The following CAPN15 variants were observed in gnomAD, a reference collection of about 807,000 sequenced individuals.
The protein encoded by CAPN15 is calpain-15.
In CAPN15, 53 loss-of-function variants were observed where a neutral mutation model predicts 97.9. That is an observed-to-expected ratio of 0.54 (90% confidence interval 0.43 to 0.68). The LOEUF is 0.68. Among genes scored for constraint, CAPN15 ranks in the 30% least tolerant of loss-of-function variants. The pLI, the probability that CAPN15 is intolerant of heterozygous loss-of-function variation, is 0.00. For synonymous variants in CAPN15, 922 were observed against 722.5 expected, an observed-to-expected ratio of 1.28 and a Z score of -4.43; for missense variants, 1,592 against 1,589.8, an observed-to-expected ratio of 1.00 and a Z score of -0.02.
chr16:547,632 C>T lies in CAPN15; in HGVS notation c.794C>T (p.Pro265Leu), dbSNP rs766960655. 103 of 1,569,022 alleles carry T rather than the reference C, an allele frequency of 6.6e-5. No homozygotes were observed. Among genetic ancestry groups the T allele is most frequent in the Admixed American group, 1.0e-4 (6 of 57,760 alleles). Reference protein sequence around the residue: ...LQPPVPEAAQPSPSAGCRGAP... With the variant: ...LQPPVPEAAQLSPSAGCRGAP... ...CCACCGGTGCCTGAGGCTGCCCAGCCGTCACCCTCTGCCGGCTGCAGGGGA... is the reference window on the plus strand; with the variant it reads ...CCACCGGTGCCTGAGGCTGCCCAGCTGTCACCCTCTGCCGGCTGCAGGGGA... The change falls in exon 4 of 14, where the codon CCG becomes CTG. Residue 265 changes from proline to leucine, a missense_variant. Coordinates refer to ENST00000219611, the MANE Select transcript of CAPN15 (RefSeq NM_005632.3).
chr16:550,428 G>A (rs572057470), intron 7 of CAPN15, among the ~76,000 whole-genome samples: 2 of 152,350 alleles, frequency 1.3e-5, no homozygotes, highest in South Asian at 2.1e-4. Context: ...GGTGGAGGGG[G>A]CTGGTCCAGA....
chr16:537,078 C>T, intron 3 of CAPN15: 1 of 942,670 alleles, frequency 1.1e-6, no homozygotes, highest in African/African-American at 1.8e-5. Flanking sequence ...CCGGAGAGGG[C>T]TTAACAGAGC....
chr16:552,446 A>G lies in CAPN15; in HGVS notation c.2653A>G (p.Met885Val). 1 of 1,610,226 alleles carries G rather than the reference A, an allele frequency of 6.2e-7. No homozygotes were observed. Among genetic ancestry groups the G allele is most frequent in the Non-Finnish European group, 8.5e-7 (1 of 1,179,654 alleles). ...AVKKFVSCDV[M>V]LEPGEYAVVC... ...CAAGAAGTTCGTCAGCTGCGACGTC[A>G]TGCTGGAGCCTGGCGAGTACGCTGT... is the stretch of plus-strand genomic sequence containing the variant. The change falls in exon 11 of 14, where the codon ATG becomes GTG. Residue 885 changes from methionine (M) to valine (V), a missense_variant. Met to Val is a conservative substitution (Grantham distance 21). This residue lies in a region of CAPN15 where 644 missense variants were observed against 699.6 expected (regional missense o/e 0.92). Transcript: ENST00000219611. This position sits in a 1 kb window ranked among gnomAD's most constrained non-coding sequence, Gnocchi z 6.4.
At chr16:534,227 C>CCAACGGGGCCGTGGTCCTGTCGTGGGAGG (rs1567134503) in intron 2 of CAPN15, among the ~76,000 whole-genome samples, 27 of 152,340 alleles carry the variant, frequency 1.8e-4, no homozygotes, top group African/African-American at 5.8e-4. Flanking sequence ...GCCCGGGGTC[C>CCAACGGGGCCGTGGTCCTGTCGTGGGAGG]CGACAGGGGT....
rs2035191281 is a variant in CAPN15, at chr16:552,799, CGTG to C, written c.2904+30_2904+32del. The C allele has an allele frequency of 6.6e-7, 1 of 1,511,160 alleles. No individual in the cohort carries two copies. The highest frequency in any genetic ancestry group is 8.9e-7 in the Non-Finnish European group (1 of 1,124,794). 93.6% of individuals were successfully genotyped at this position (1,511,160 alleles called of 1,614,324 possible). ...GGGTGGGGGTCCCGGGGGAGGGTGG[CGTG>C]GGGCAGGGGGAGTATGCCCCAGCAC... is the stretch of plus-strand genomic sequence containing the variant. On this transcript the variant is annotated intron_variant, in intron 12 of 13. Transcript: ENST00000219611. The surrounding 1 kb of genome is among the most constrained non-coding windows in gnomAD (Gnocchi z 6.4).
chr16:532,424 G>C (rs769567854), intron 1 of CAPN15, among the ~76,000 whole-genome samples: 3 of 151,224 alleles, frequency 2.0e-5, no homozygotes, highest in Non-Finnish European at 4.4e-5. Flanking sequence ...GCGTGGTGGT[G>C]TGTGCCTGTA....
At chr16:530,299 G>A (rs904342752) in intron 1 of CAPN15, among the ~76,000 whole-genome samples, 2 of 152,336 alleles carry the variant, frequency 1.3e-5, no homozygotes, top group Middle Eastern at 3.4e-3. Context: ...TTCTTGGTAG[G>A]CCTAGTGTCT....
Position 551,670 on chromosome 16 carries a change from G to T in CAPN15, c.2345+6G>T. On this transcript the variant is annotated splice_donor_region_variant and intron_variant, in intron 9 of 13. Transcript: ENST00000219611. The stretch of plus-strand genomic sequence containing the variant: ...GAGTACGGCGACTTTGTCAGGTATC[G>T]GCACCGTGGGGCGGTGTGCACGCCG... 6.3e-7 allele frequency: 1 copy of T among 1,586,988 alleles called. No homozygotes were observed. Among genetic ancestry groups the T allele is most frequent in the South Asian group, 1.1e-5 (1 of 90,788 alleles).
Position 536,129 on chromosome 16 carries a change from C to T in CAPN15, c.-36C>T, listed in dbSNP as rs1020943004. 1 of 978,038 alleles carries T rather than the reference C, an allele frequency of 1.0e-6. No homozygotes were observed. The highest frequency in any genetic ancestry group is 1.2e-6 in the Non-Finnish European group (1 of 823,478). The allele number at this position is 978,038 out of a possible 1,614,324, so 60.6% of individuals were successfully genotyped here. A position where few individuals can be genotyped will look rare whatever the true frequency, so the allele number is the denominator to read the frequency against. ...TGCCCAGGCCCTGAGGTGGGCCGGA[C>T]CTGGGAGTGGCAGGTGAGCGTTCCT... On this transcript the variant is annotated 5_prime_UTR_variant, in exon 3 of 14. Coordinates refer to ENST00000219611, the MANE Select transcript of CAPN15 (RefSeq NM_005632.3).
rs1340202502 is a variant in CAPN15, at chr16:549,801, C to T, written c.2029C>T (p.Leu677Phe). Residue 677 changes from leucine (L) to phenylalanine (F), a missense_variant, in exon 7 of 14, where the codon CTC becomes TTC. By Grantham distance (22) the Leu-to-Phe change is conservative. Coordinates refer to ENST00000219611, the MANE Select transcript of CAPN15 (RefSeq NM_005632.3). ...NPREEPVDTD[L>F]IWAKMLSSKE... is the part of the protein sequence containing the mutation. Reference sequence around the variant, plus strand: ...CCGCGAGGAGCCCGTTGACACTGACCTCATCTGGGCCAAAATGCTGAGTTC... The same window carrying T: ...CCGCGAGGAGCCCGTTGACACTGACTTCATCTGGGCCAAAATGCTGAGTTC... The T allele has an allele frequency of 6.3e-7, 1 of 1,589,472 alleles. No homozygotes were observed. The highest frequency in any genetic ancestry group is 8.6e-7 in the Non-Finnish European group (1 of 1,167,808).
rs1175868994 is a variant in CAPN15 at position 527,874 on chromosome 16, G to C, written c.-345G>C. On this transcript the variant is annotated 5_prime_UTR_variant, in exon 1 of 14. Transcript: ENST00000219611. ...TCGGGGCGCCCCGCGGCTGAGGAGC[G>C]GGAGGCCGTCCGGGCAGCGCGGCCG... 1.4e-5 allele frequency: 2 copies of C among 146,734 alleles called. No homozygotes were observed. Among genetic ancestry groups the C allele is most frequent in the Admixed American group, 6.8e-5 (1 of 14,796 alleles). The allele number at this position is 146,734 out of a possible 1,614,324, so 9.1% of individuals were successfully genotyped here.
At chr16:549,500 C>A (rs750073259) in intron 6 of CAPN15, 29 bp downstream of exon 6, 1 of 1,443,716 alleles carries the variant, frequency 6.9e-7, no homozygotes, top group Admixed American at 2.0e-5. Flanking sequence ...TGGGCACGGG[C>A]GGCAGGGGCA....
intron 3 of CAPN15, among the ~76,000 whole-genome samples, chr16:540,977 C>T (rs919270500): frequency 1.3e-5 from 2 of 152,212 alleles, no homozygotes; most frequent in Non-Finnish European, 2.9e-5. Flanking sequence ...GGCAGGGACA[C>T]TCAGGGGCCC....
rs2034628923 is a variant in CAPN15 at position 546,958 on chromosome 16, G to C, written c.120G>C (p.Arg40=). ...RHKPDLNHIL[R]LSVEEQKWPC... ...AGCCCGACCTCAACCACATCCTGCG[G>C]CTCAGCGTGGAGGAGCAGAAATGGC... The change falls in exon 4 of 14, where the codon CGG becomes CGC. Residue 40 remains arginine, a synonymous_variant. Coordinates refer to ENST00000219611, the MANE Select transcript of CAPN15 (RefSeq NM_005632.3). The C allele has an allele frequency of 6.2e-7, 1 of 1,610,420 alleles. No individual in the cohort carries two copies. The highest frequency in any genetic ancestry group is 8.5e-7 in the Non-Finnish European group (1 of 1,179,892).
rs1003718627 is a variant in CAPN15 at position 553,677 on chromosome 16, C to G, written c.*161C>G. ...AGCTTCCCATGGGCCCCCCGCCCCC[C>G]TCCTTCCCCTCCCTGAACCCCACAG... On this transcript the variant is annotated 3_prime_UTR_variant, in exon 14 of 14. Transcript: ENST00000219611. The G allele has an allele frequency of 9.3e-6, 5 of 536,952 alleles. No homozygotes were observed. Among genetic ancestry groups the G allele is most frequent in the Non-Finnish European group, 1.6e-5 (5 of 309,434 alleles). 33.3% of individuals were successfully genotyped at this position (536,952 alleles called of 1,614,324 possible). A position where few individuals can be genotyped will look rare whatever the true frequency, so the allele number is the denominator to read the frequency against.
chr16:550,572 C>T (rs2034917701), intron 7 of CAPN15, among the ~76,000 whole-genome samples: 1 of 151,874 alleles, frequency 6.6e-6, no homozygotes, highest in Admixed American at 6.5e-5. Context: ...GGGCCCCGCT[C>T]AGCCATGCCC....
chr16:549,497 G>C (rs557292886), intron 6 of CAPN15, 26 bp downstream of exon 6: 1 of 1,559,896 alleles, frequency 6.4e-7, no homozygotes. Flanking sequence ...GGGTGGGCAC[G>C]GGCGGCAGGG....
chr16:540,630 G>A (rs756716049), intron 3 of CAPN15, among the ~76,000 whole-genome samples: 3 of 152,232 alleles, frequency 2.0e-5, no homozygotes, highest in Admixed American at 6.5e-5. Context: ...GCTGCTCCAC[G>A]CAGAGAAGCT....
rs1185432291 is a variant in CAPN15, at chr16:547,347, G to A, written c.509G>A (p.Arg170His). 1.9e-6 allele frequency: 3 copies of A among 1,542,752 alleles called. No homozygotes were observed. The Admixed American group carries it at 5.7e-5, about 29-fold the overall frequency. The change falls in exon 4 of 14, where the codon CGC becomes CAC. Residue 170 changes from arginine (R) to histidine (H), a missense_variant. Coordinates refer to ENST00000219611, the MANE Select transcript of CAPN15 (RefSeq NM_005632.3). ...TCCTGCTCCGTCTGCGGGGGCCCAC[G>A]CAGGCTCTCGCTGCCACGGATCCCT... ...ASSCSVCGGPRRLSLPRIPPE... is the reference protein window; with the variant it reads ...ASSCSVCGGPHRLSLPRIPPE...
Sources: allele counts gnomAD v4.1 joint callset (sites outside exome capture counted in the v4.1 genomes callset), GRCh38; gene constraint gnomAD v4.1.1; regional missense constraint gnomAD v4.1.1; non-coding constraint Gnocchi (gnomAD v3.1); transcripts MANE v1.5; gene names NCBI Gene and HGNC (gene_info 2026-07-23, HGNC 2026-07-21).